The following PRKCB variants were observed in gnomAD, a reference collection of about 807,000 sequenced individuals.
PRKCB encodes protein kinase C beta type.
A neutral mutation model predicts 81.5 loss-of-function variants in PRKCB; 13 were observed. The ratio of observed to expected loss-of-function variants is 0.16; its 90% confidence interval spans 0.10 to 0.25. PRKCB has a LOEUF of 0.25. Among genes scored for constraint, PRKCB ranks in the 10% least tolerant of loss-of-function variants. The pLI, the probability that PRKCB is intolerant of heterozygous loss-of-function variation, is 1.00. For synonymous variants in PRKCB, 335 were observed against 321.4 expected (o/e 1.04, Z -0.45); for missense variants, 509 against 875.7 (o/e 0.58, Z 5.29).
intron 2 of PRKCB, among the ~76,000 whole-genome samples, chr16:23,929,225 C>T (rs1963938711): frequency 6.6e-6 from 1 of 152,088 alleles, no homozygotes; most frequent in African/African-American, 2.4e-5. Context: ...GAAATTGTAG[C>T]AGAAAATACG....
intron 2 of PRKCB, among the ~76,000 whole-genome samples, chr16:23,932,163 A>G (rs940987249): frequency 1.3e-5 from 2 of 152,268 alleles, no homozygotes; most frequent in Admixed American, 6.5e-5. Flanking sequence ...TAAAAGATAT[A>G]GCAATCTAAG....
intron 5 of PRKCB, among the ~76,000 whole-genome samples, chr16:24,072,812 C>A (rs950375383): frequency 2.0e-5 from 3 of 152,072 alleles, no homozygotes; most frequent in Non-Finnish European, 4.4e-5. Context: ...GACCTCCTGA[C>A]CTGAGGTGAT....
intron 2 of PRKCB, among the ~76,000 whole-genome samples, chr16:23,844,532 A>C (rs7190426): frequency 0.21 from 31,762 of 151,990 alleles, 3,430 homozygotes; most frequent in East Asian, 0.33. Context: ...TTTGAGACGG[A>C]GTCTTGCTCT....
chr16:24,116,604 G>T (rs1273610369), intron 8 of PRKCB, among the ~76,000 whole-genome samples: 2 of 152,098 alleles, frequency 1.3e-5, no homozygotes, highest in African/African-American at 4.8e-5. Flanking sequence ...ACAGAGGCTT[G>T]TTCCCAAAGT....
chr16:23,855,702 G>C (rs3785403), intron 2 of PRKCB, among the ~76,000 whole-genome samples: 97,391 of 152,062 alleles, frequency 0.64, 31,299 homozygotes, highest in Admixed American at 0.68. Flanking sequence ...CAGGGAAGAG[G>C]TAGTTGAACT....
intron 5 of PRKCB, among the ~76,000 whole-genome samples, chr16:24,078,869 C>G (rs903814211): frequency 6.6e-6 from 1 of 152,140 alleles, no homozygotes; most frequent in African/African-American, 2.4e-5. Flanking sequence ...ATAGTTGACA[C>G]TAAACTGGGT....
chr16:24,088,714 CAAAAAA>C (rs56883594), intron 5 of PRKCB, among the ~76,000 whole-genome samples: 6,798 of 113,626 alleles, frequency 0.06, 452 homozygotes, highest in African/African-American at 0.19. Context: ...GACCCTGTGT[CAAAAAA>C]AAAAAAAAAA....
chr16:23,970,449 T>C (rs569034571), intron 2 of PRKCB, among the ~76,000 whole-genome samples: 1 of 152,314 alleles, frequency 6.6e-6, no homozygotes, highest in African/African-American at 2.4e-5. Context: ...GGCTTTTGTG[T>C]GCTGATGTGC....
chr16:24,168,550 T>TC (rs1265706054), intron 10 of PRKCB, among the ~76,000 whole-genome samples: 6 of 80,058 alleles, frequency 7.5e-5, no homozygotes, highest in African/African-American at 4.1e-4. Flanking sequence ...ACTTTTTTTT[T>TC]TTTTTTTTTT....
At chr16:24,119,540 A>G (rs1966773800) in intron 8 of PRKCB, among the ~76,000 whole-genome samples, 1 of 152,030 alleles carries the variant, frequency 6.6e-6, no homozygotes, top group Non-Finnish European at 1.5e-5. Flanking sequence ...GAGACTGTGA[A>G]TCAGATGGGT....
chr16:24,185,424 G>A (rs1407211532), intron 14 of PRKCB, 36 bp from the exon 15 acceptor site: 4 of 1,584,870 alleles, frequency 2.5e-6, no homozygotes, highest in Non-Finnish European at 3.5e-6. Flanking sequence ...GGTTCAAGCA[G>A]GGATTCTTCT....
chr16:24,113,672 G>C (rs1010635073), intron 8 of PRKCB, among the ~76,000 whole-genome samples: 2 of 151,632 alleles, frequency 1.3e-5, no homozygotes, highest in Non-Finnish European at 2.9e-5. Context: ...GTTTGCTGCT[G>C]TGCTGATTTT....
In PRKCB at chr16:24,219,382, A is replaced by C; in HGVS notation, c.*4566A>C. 3 of 985,334 alleles carry C rather than the reference A, an allele frequency of 3.0e-6. No individual in the cohort carries two copies. Among genetic ancestry groups the C allele is most frequent in the Non-Finnish European group, 3.6e-6 (3 of 830,028 alleles). The allele number at this position is 985,334 out of a possible 1,614,324, so 61.0% of individuals were successfully genotyped here. ...GAGAACTTCTGCCTGATAAACACCCAATTCTAGACTGTGGGTGGATTTTCG... is the reference window on the plus strand; with the variant it reads ...GAGAACTTCTGCCTGATAAACACCCCATTCTAGACTGTGGGTGGATTTTCG... On this transcript the variant is annotated 3_prime_UTR_variant, in exon 17 of 17. Transcript: ENST00000643927.
intron 2 of PRKCB, among the ~76,000 whole-genome samples, chr16:23,883,169 G>A (rs1963150657): frequency 6.6e-6 from 1 of 152,136 alleles, no homozygotes; most frequent in African/African-American, 2.4e-5. Flanking sequence ...GAAAAAAACA[G>A]GATGAGATCC....
intron 8 of PRKCB, among the ~76,000 whole-genome samples, chr16:24,118,921 G>A (rs1206496882): frequency 6.6e-6 from 1 of 152,086 alleles, no homozygotes. Flanking sequence ...CTGAGTAGGG[G>A]CCACAAACCC....
Position 24,216,886 on chromosome 16 carries a change from A to G in PRKCB, c.*2070A>G, listed in dbSNP as rs985139212. 1.0e-5 allele frequency: 10 copies of G among 985,348 alleles called. No individual in the cohort carries two copies. The African/African-American group carries it at 1.6e-4, about 15-fold the overall frequency. 61.0% of individuals were successfully genotyped at this position (985,348 alleles called of 1,614,324 possible). A position where few individuals can be genotyped will look rare whatever the true frequency, so the allele number is the denominator to read the frequency against. ...AAAAACCTGGGTGTCCTGTCCAGAA[A>G]GTGCAGGGTGCTTTCTGCTCTGTAG... On this transcript the variant is annotated 3_prime_UTR_variant, in exon 17 of 17. Coordinates refer to ENST00000643927, the MANE Select transcript of PRKCB (RefSeq NM_002738.7).
At chr16:23,984,546 C>T (rs945946076) in intron 2 of PRKCB, among the ~76,000 whole-genome samples, 1 of 151,988 alleles carries the variant, frequency 6.6e-6, no homozygotes, top group African/African-American at 2.4e-5. Flanking sequence ...TAAATATAAT[C>T]ATAATCTGCT....
At chr16:23,884,393 A>G (rs1202653700) in intron 2 of PRKCB, among the ~76,000 whole-genome samples, 4 of 152,168 alleles carry the variant, frequency 2.6e-5, no homozygotes, top group Admixed American at 2.0e-4. Context: ...GATCAACCCC[A>G]AGTTACCTTC....
intron 2 of PRKCB, among the ~76,000 whole-genome samples, chr16:23,867,409 G>A (rs1413390538): frequency 6.6e-6 from 1 of 152,064 alleles, no homozygotes; most frequent in Non-Finnish European, 1.5e-5. Context: ...GGCGTGAGCC[G>A]CTACTCCCAG....
Sources: allele counts gnomAD v4.1 joint callset (sites outside exome capture counted in the v4.1 genomes callset), GRCh38; gene constraint gnomAD v4.1.1; transcripts MANE v1.5; gene names NCBI Gene and HGNC (gene_info 2026-07-23, HGNC 2026-07-21).